Variants in CLPX observed in about 807,000 individuals in gnomAD.
CLPX encodes ATP-dependent clpX-like chaperone, mitochondrial.
CLPX carries 34 observed loss-of-function variants against 76.4 expected under a neutral mutation model. The observed-to-expected ratio is 0.45, with a 90% CI of 0.34 to 0.59. The LOEUF is 0.59. CLPX is among the 20% of genes least tolerant of loss of function. The pLI is 0.01. For synonymous variants in CLPX, 248 were observed against 270.9 expected, an observed-to-expected ratio of 0.92 and a Z score of 0.83; for missense variants, 613 against 757.0, an observed-to-expected ratio of 0.81 and a Z score of 2.23.
At chr15:65,161,462 CAT>C (rs1458457136) in intron 6 of CLPX, among the ~76,000 whole-genome samples, 2 of 152,196 alleles carry the variant, frequency 1.3e-5, no homozygotes, top group Non-Finnish European at 2.9e-5. Context: ...CAAAACTGCA[CAT>C]GACAATAAAT....
chr15:65,157,500 T>C (rs546818987), intron 8 of CLPX, among the ~76,000 whole-genome samples: 1 of 152,308 alleles, frequency 6.6e-6, no homozygotes, highest in African/African-American at 2.4e-5. Flanking sequence ...AAAGCAATGA[T>C]AGTATTAAGG....
chr15:65,164,202 A>G lies in CLPX; in HGVS notation c.514-14T>C, dbSNP rs1458055104. The G allele has an allele frequency of 1.3e-6, 2 of 1,591,158 alleles. No homozygotes were observed. Among genetic ancestry groups the G allele is most frequent in the South Asian group, 2.3e-5 (2 of 88,314 alleles). ...GTAGTTATAAATCTGAAAAATGATT[A>G]GGTATGAATAATTTAATATGAGCTA... is the stretch of plus-strand genomic sequence containing the variant. On this transcript the variant is annotated splice_polypyrimidine_tract_variant and intron_variant, in intron 4 of 13. Transcript: ENST00000300107.
intron 3 of CLPX, among the ~76,000 whole-genome samples, chr15:65,172,236 T>C (rs1159372313): frequency 6.6e-6 from 1 of 152,178 alleles, no homozygotes; most frequent in Non-Finnish European, 1.5e-5. Flanking sequence ...CGGCTGGCAT[T>C]ACAGGCATGA....
At chr15:65,175,496 C>G (rs1396136515) in intron 3 of CLPX, among the ~76,000 whole-genome samples, 11 of 152,022 alleles carry the variant, frequency 7.2e-5, no homozygotes, top group African/African-American at 2.7e-4. Flanking sequence ...AACTCTGCCT[C>G]AGAAAAACAA....
At position 65,149,656 on chromosome 15, in the gene CLPX, T is replaced by TGG; in HGVS notation, c.*1166_*1167insCC. ...GCCAGCAGATCACAAGGTCAGGAGTTACAGACTAGCCTGGCCAACAGGGTG... is the reference window on the plus strand; with the variant it reads ...GCCAGCAGATCACAAGGTCAGGAGTTGGACAGACTAGCCTGGCCAACAGGGTG... On this transcript the variant is annotated 3_prime_UTR_variant, in exon 14 of 14. Coordinates refer to ENST00000300107, the MANE Select transcript of CLPX (RefSeq NM_006660.5). The TGG allele has an allele frequency of 2.5e-6, 1 of 405,028 alleles. No individual in the cohort carries two copies. The highest frequency in any genetic ancestry group is 1.8e-5 in the South Asian group (1 of 55,500). The allele number at this position is 405,028 out of a possible 1,614,324, so 25.1% of individuals were successfully genotyped here.
intron 1 of CLPX, among the ~76,000 whole-genome samples, chr15:65,180,729 C>G (rs1245626048): frequency 2.0e-5 from 3 of 151,748 alleles, no homozygotes; most frequent in Non-Finnish European, 2.9e-5. Flanking sequence ...TGGTGAAACC[C>G]CGTCTCTACT....
intron 3 of CLPX, among the ~76,000 whole-genome samples, chr15:65,169,509 A>C (rs1008481837): frequency 6.6e-6 from 1 of 152,006 alleles, no homozygotes; most frequent in Admixed American, 6.5e-5. Flanking sequence ...ACTTGAGCTT[A>C]GGAGTTCAAG....
At chr15:65,151,676 A>C (rs191778223) in intron 13 of CLPX, among the ~76,000 whole-genome samples, 17 of 152,310 alleles carry the variant, frequency 1.1e-4, no homozygotes, top group African/African-American at 3.8e-4. Context: ...CCATACGTCA[A>C]TGTCATTAAA....
chr15:65,159,593 G>C (rs2087828296), intron 6 of CLPX, among the ~76,000 whole-genome samples: 1 of 151,886 alleles, frequency 6.6e-6, no homozygotes, highest in Admixed American at 6.6e-5. Context: ...CTGGGCAACA[G>C]AGTAAGACTC....
intron 1 of CLPX, chr15:65,184,322 CAGAA>C (rs934596727): frequency 6.6e-6 from 1 of 152,186 alleles, no homozygotes; most frequent in Non-Finnish European, 1.5e-5. Flanking sequence ...TTCAGATAAA[CAGAA>C]AGAAAAGGTA....
At chr15:65,179,129 GT>G in intron 2 of CLPX, 78 bp from the exon 3 acceptor site, 1 of 707,210 alleles carries the variant, frequency 1.4e-6, no homozygotes, top group Non-Finnish European at 2.4e-6. Flanking sequence ...AAACAATACT[GT>G]TTGTAATTAA....
chr15:65,160,270 G>T (rs540260685), intron 6 of CLPX, among the ~76,000 whole-genome samples: 1 of 151,978 alleles, frequency 6.6e-6, no homozygotes, highest in Non-Finnish European at 1.5e-5. Flanking sequence ...TAAGGTAAAG[G>T]GTTATTCTAT....
At chr15:65,179,146 T>C (rs1450679612) in intron 2 of CLPX, 95 bp from the exon 3 acceptor site, 4 of 632,276 alleles carry the variant, frequency 6.3e-6, no homozygotes, top group East Asian at 5.6e-5. Flanking sequence ...ATTAATTTTA[T>C]AATCTTCTAT....
Position 65,154,913 on chromosome 15 carries a change from G to C in CLPX, c.1480C>G (p.Pro494Ala). 1 of 1,614,118 alleles carries C rather than the reference G, an allele frequency of 6.2e-7. No individual in the cohort carries two copies. The highest frequency in any genetic ancestry group is 1.1e-5 in the South Asian group (1 of 91,066). The change falls in exon 11 of 14, where the codon CCT becomes GCT. Residue 494 changes from proline to alanine, a missense_variant. By Grantham distance (27) the Pro-to-Ala change is conservative. Transcript: ENST00000300107. ...ACAGGCAACCGTCCCACAAACTCAG[G>C]AATCATGCCAAACTCAATCAGATCT... ...ARDLIEFGMI[P>A]EFVGRLPVVV... is the part of the protein sequence containing the mutation.
rs757040803 is a variant in CLPX, at chr15:65,179,110, C to T, written c.241-59G>A. The stretch of plus-strand genomic sequence containing the variant: ...TCAATTATTAGTTTCAGGCAACCAA[C>T]TTAAATGTAAACAATACTGTTTGTA... On this transcript the variant is annotated intron_variant, in intron 2 of 13. Coordinates refer to ENST00000300107, the MANE Select transcript of CLPX (RefSeq NM_006660.5). 5.6e-5 allele frequency: 52 copies of T among 920,758 alleles called. No homozygotes were observed. The Middle Eastern group carries it at 4.4e-3, about 78-fold the overall frequency. The allele number at this position is 920,758 out of a possible 1,614,324, so 57.0% of individuals were successfully genotyped here.
At chr15:65,165,074 C>T (rs1479097589) in intron 4 of CLPX, among the ~76,000 whole-genome samples, 3 of 152,054 alleles carry the variant, frequency 2.0e-5, no homozygotes, top group Non-Finnish European at 2.9e-5. Context: ...TGGTGGCTCA[C>T]GGCTGTAATC....
At position 65,157,918 on chromosome 15, in the gene CLPX, TAG is replaced by T; in HGVS notation, c.893-10_893-9del. The T allele has an allele frequency of 6.4e-7, 1 of 1,564,854 alleles. No individual in the cohort carries two copies. The highest frequency in any genetic ancestry group is 8.6e-7 in the Non-Finnish European group (1 of 1,159,078). On this transcript the variant is annotated splice_polypyrimidine_tract_variant and intron_variant, in intron 7 of 13. Transcript: ENST00000300107. ...GTGCCAGCAGAGTTTTACCTACAAA[TAG>T]AAACAGTCACTAAAAGTTTACTGAA... is the stretch of plus-strand genomic sequence containing the variant.
At chr15:65,172,632 G>A (rs575412319) in intron 3 of CLPX, among the ~76,000 whole-genome samples, 1 of 152,042 alleles carries the variant, frequency 6.6e-6, no homozygotes, top group Admixed American at 6.6e-5. Context: ...AACTCCGTCT[G>A]GGGGGAAAGA....
intron 3 of CLPX, among the ~76,000 whole-genome samples, chr15:65,172,256 C>G (rs534111026): frequency 2.2e-4 from 33 of 152,172 alleles, no homozygotes; most frequent in Non-Finnish European, 3.8e-4. Context: ...AACCACCATG[C>G]CTGGCCAATG....
Sources: gnomAD v4.1 joint callset for allele counts (sites outside exome capture counted in the v4.1 genomes callset) on GRCh38, gnomAD v4.1.1 for gene constraint, MANE v1.5 for transcripts, NCBI Gene and HGNC (gene_info 2026-07-23, HGNC 2026-07-21) for gene names.